The following ZNF804A variants were observed in gnomAD, a reference collection of about 807,000 sequenced individuals.
ZNF804A encodes zinc finger protein 804A.
ZNF804A carries 2 observed loss-of-function variants against 16.5 expected under a neutral mutation model. The observed-to-expected ratio is 0.12, with a 90% confidence interval of 0.05 to 0.38. The LOEUF is 0.38. Ranked by LOEUF, ZNF804A falls within the 10% of genes least tolerant of loss-of-function variation. ZNF804A has a pLI of 0.99. For synonymous variants in ZNF804A, 534 were observed against 489.6 expected, an observed-to-expected ratio of 1.09 and a Z score of -1.20; for missense variants, 1,473 against 1,390.7, an observed-to-expected ratio of 1.06 and a Z score of -0.94.
rs568701563 is a variant in ZNF804A at position 184,717,591 on chromosome 2, C to G, written c.111+118521C>G. ...CTTTTGCCGCCATCCATTACAAGAACTGTGGAAAAGGGTTATTGCATTACA... is the reference window on the plus strand; with the variant it reads ...CTTTTGCCGCCATCCATTACAAGAAGTGTGGAAAAGGGTTATTGCATTACA... On this transcript the variant is annotated intron_variant, in intron 1 of 3. Coordinates refer to ENST00000302277, the MANE Select transcript of ZNF804A (RefSeq NM_194250.2). 3.9e-5 allele frequency among the ~76,000 whole-genome samples: 6 copies of G among 152,300 alleles called. No individual in the cohort carries two copies. In the South Asian group the frequency reaches 1.2e-3, roughly 32 times the overall value.
intron 1 of ZNF804A, among the ~76,000 whole-genome samples, chr2:184,801,889 G>A (rs1418251774): frequency 6.6e-6 from 1 of 152,142 alleles, no homozygotes; most frequent in Non-Finnish European, 1.5e-5. Flanking sequence ...TAGGAGCGAT[G>A]GAAATGGGGA....
At chr2:184,701,397 A>G (rs1692917227) in intron 1 of ZNF804A, among the ~76,000 whole-genome samples, 1 of 151,986 alleles carries the variant, frequency 6.6e-6, no homozygotes, top group South Asian at 2.1e-4. Flanking sequence ...TTCTTTCAGT[A>G]ATAAAACGTT....
intron 1 of ZNF804A, among the ~76,000 whole-genome samples, chr2:184,662,113 G>GTGCTCTTTTGT (rs1237128256): frequency 6.6e-6 from 1 of 152,108 alleles, no homozygotes; most frequent in African/African-American, 2.4e-5. Flanking sequence ...CTTTTGTTAA[G>GTGCTCTTTTGT]TACTCTTTTT....
chr2:184,783,852 T>C (rs1694408809), intron 1 of ZNF804A, among the ~76,000 whole-genome samples: 1 of 152,024 alleles, frequency 6.6e-6, no homozygotes, highest in Non-Finnish European at 1.5e-5. Flanking sequence ...TATCCTTGTT[T>C]GTATTACAGA....
intron 2 of ZNF804A, chr2:184,902,152 CA>C (rs1685195281): frequency 6.4e-6 from 1 of 156,884 alleles, no homozygotes; most frequent in South Asian, 2.0e-4. Flanking sequence ...CAATCATTGT[CA>C]GGAGCCAGTT....
chr2:184,816,230 C>T (rs1334634865), intron 1 of ZNF804A, among the ~76,000 whole-genome samples: 3 of 151,996 alleles, frequency 2.0e-5, no homozygotes, highest in Non-Finnish European at 2.9e-5. Flanking sequence ...GCAGCAATGG[C>T]GCCTAATTCC....
intron 1 of ZNF804A, among the ~76,000 whole-genome samples, chr2:184,751,033 A>G (rs950018150): frequency 4.0e-5 from 6 of 151,532 alleles, no homozygotes; most frequent in Admixed American, 2.6e-4. Context: ...AGACAATAAT[A>G]CTGTATTGTC....
intron 1 of ZNF804A, among the ~76,000 whole-genome samples, chr2:184,698,356 A>G (rs758104042): frequency 6.6e-6 from 1 of 152,102 alleles, no homozygotes; most frequent in Non-Finnish European, 1.5e-5. Flanking sequence ...AACTTCTCTT[A>G]TACAGCTAAA....
intron 1 of ZNF804A, among the ~76,000 whole-genome samples, chr2:184,696,008 C>G (rs1207849528): frequency 6.6e-6 from 1 of 152,138 alleles, no homozygotes; most frequent in Middle Eastern, 3.4e-3. Context: ...CCAGCATAAC[C>G]AATTACATTA....
intron 1 of ZNF804A, among the ~76,000 whole-genome samples, chr2:184,810,346 A>C (rs779312327): frequency 2.0e-5 from 3 of 152,278 alleles, no homozygotes; most frequent in Non-Finnish European, 4.4e-5. Flanking sequence ...ATATGTGTTC[A>C]CAGCTGTTCT....
At chr2:184,687,177 C>T (rs1484021020) in intron 1 of ZNF804A, among the ~76,000 whole-genome samples, 1 of 152,142 alleles carries the variant, frequency 6.6e-6, no homozygotes, top group Non-Finnish European at 1.5e-5. Context: ...AATTTTTAAT[C>T]CATCTTGAGT....
chr2:184,651,717 A>T (rs772812102), intron 1 of ZNF804A, among the ~76,000 whole-genome samples: 4 of 152,176 alleles, frequency 2.6e-5, no homozygotes, highest in Admixed American at 6.5e-5. Context: ...CATCAGAAAA[A>T]TGCAAATCAG....
intron 1 of ZNF804A, among the ~76,000 whole-genome samples, chr2:184,680,799 A>G (rs1015103612): frequency 5.3e-5 from 8 of 152,338 alleles, no homozygotes; most frequent in Non-Finnish European, 1.2e-4. Context: ...GTGGCAGGAG[A>G]TGAGAAGGAG....
intron 1 of ZNF804A, among the ~76,000 whole-genome samples, chr2:184,862,564 A>G (rs1416489557): frequency 6.6e-6 from 1 of 152,216 alleles, no homozygotes; most frequent in African/African-American, 2.4e-5. Context: ...AGAGAAAGCA[A>G]CAGAACACAC....
intron 1 of ZNF804A, among the ~76,000 whole-genome samples, chr2:184,674,064 A>G (rs1006244506): frequency 6.6e-6 from 1 of 152,130 alleles, no homozygotes. Context: ...CACATTTAAA[A>G]TTTAACTCTC....
intron 2 of ZNF804A, among the ~76,000 whole-genome samples, chr2:184,932,176 T>C (rs1685713348): frequency 6.6e-6 from 1 of 152,128 alleles, no homozygotes; most frequent in African/African-American, 2.4e-5. Context: ...CTCCACACTG[T>C]TCCAACCTCT....
At chr2:184,721,743 T>C (rs1489248527) in intron 1 of ZNF804A, among the ~76,000 whole-genome samples, 10 of 152,128 alleles carry the variant, frequency 6.6e-5, no homozygotes, top group Admixed American at 6.6e-4. Context: ...CTAGTGTGTA[T>C]TTATTGAAAG....
At chr2:184,925,027 A>G (rs1685588189) in intron 2 of ZNF804A, among the ~76,000 whole-genome samples, 1 of 151,992 alleles carries the variant, frequency 6.6e-6, no homozygotes, top group African/African-American at 2.4e-5. Flanking sequence ...CTGTTGGATG[A>G]AATGTGTCGT....
chr2:184,800,680 C>G (rs2105782567), intron 1 of ZNF804A, among the ~76,000 whole-genome samples: 1 of 151,782 alleles, frequency 6.6e-6, no homozygotes, highest in South Asian at 2.1e-4. Context: ...AAATTTTTAA[C>G]TAGTCTAAGT....
Sources: allele counts gnomAD v4.1 joint callset (sites outside exome capture counted in the v4.1 genomes callset), GRCh38; gene constraint gnomAD v4.1.1; transcripts MANE v1.5; gene names NCBI Gene and HGNC (gene_info 2026-07-23, HGNC 2026-07-21).